Variants in TMEM65 observed in about 807,000 individuals in gnomAD.
The protein encoded by TMEM65 is transmembrane protein 65.
TMEM65 carries 22 observed loss-of-function variants against 25.4 expected under a neutral mutation model. The observed-to-expected ratio is 0.86, with a 90% CI of 0.62 to 1.23. The LOEUF is 1.23. Ranked by LOEUF, TMEM65 falls within the 50% of genes most tolerant of loss-of-function variation. The probability of loss-of-function intolerance (pLI) is 0.00; values close to 1 mark genes in which losing one functional copy is unlikely to be tolerated. For missense variants in TMEM65, 262 were observed against 308.2 expected, an observed-to-expected ratio of 0.85 and a Z score of 1.12; for synonymous variants, 132 against 126.2, an observed-to-expected ratio of 1.05 and a Z score of -0.31.
At chr8:124,361,532 T>C (rs1165898796) in intron 1 of TMEM65, among the ~76,000 whole-genome samples, 1 of 150,268 alleles carries the variant, frequency 6.7e-6, no homozygotes, top group African/African-American at 2.5e-5. Flanking sequence ...ACAGAGTGTT[T>C]AAAAAAAAGC....
At chr8:124,340,728 T>C (rs1286242792) in intron 1 of TMEM65, among the ~76,000 whole-genome samples, 3 of 152,166 alleles carry the variant, frequency 2.0e-5, no homozygotes, top group Non-Finnish European at 2.9e-5. Flanking sequence ...AAAAGTCCCA[T>C]GTGAACGATG....
intron 1 of TMEM65, among the ~76,000 whole-genome samples, chr8:124,342,569 T>TCA (rs763001980): frequency 5.3e-5 from 8 of 152,132 alleles, no homozygotes; most frequent in Non-Finnish European, 1.2e-4. Flanking sequence ...GCACCTGAAT[T>TCA]AGATAAATAA....
chr8:124,370,961 A>G (rs1015234848), intron 1 of TMEM65, among the ~76,000 whole-genome samples: 5 of 152,244 alleles, frequency 3.3e-5, no homozygotes, highest in Admixed American at 2.6e-4. Flanking sequence ...ATTTTAAGAC[A>G]TCCATTTTAG....
In TMEM65 at chr8:124,372,444, C is replaced by A; in HGVS notation, c.-287G>T. On this transcript the variant is annotated 5_prime_UTR_variant, in exon 1 of 7. Coordinates refer to ENST00000297632, the MANE Select transcript of TMEM65 (RefSeq NM_194291.3). ...GCCCGGAGAGGGCGGGCGGTCGGTG[C>A]GGGCGGGCGCCTCCCGGCTGAGGAG... 1 of 159,148 alleles carries A rather than the reference C, an allele frequency of 6.3e-6. No homozygotes were observed. The highest frequency in any genetic ancestry group is 1.6e-4 in the South Asian group (1 of 6,072). The allele number at this position is 159,148 out of a possible 1,614,324, so 9.9% of individuals were successfully genotyped here.
At chr8:124,320,764 T>C (rs553476669) in intron 5 of TMEM65, among the ~76,000 whole-genome samples, 5 of 152,192 alleles carry the variant, frequency 3.3e-5, no homozygotes, top group Admixed American at 6.5e-5. Context: ...AAAGAAAAAA[T>C]ATTGCTAATT....
chr8:124,350,882 A>T, intron 1 of TMEM65: 1 of 467,082 alleles, frequency 2.1e-6, no homozygotes, highest in African/African-American at 2.1e-5. Context: ...TTAATCCTTC[A>T]GTTAGTTGAG....
At chr8:124,350,475 TCTCACACA>T (rs1203740567) in intron 1 of TMEM65, among the ~76,000 whole-genome samples, 10 of 82,264 alleles carry the variant, frequency 1.2e-4, no homozygotes, top group Middle Eastern at 6.8e-3. Context: ...TCTCTCTCTC[TCTCACACA>T]CACACACACA....
intron 1 of TMEM65, among the ~76,000 whole-genome samples, chr8:124,338,280 T>C (rs1170823281): frequency 1.3e-5 from 2 of 152,118 alleles, no homozygotes; most frequent in Non-Finnish European, 2.9e-5. Context: ...TTGTTACTTT[T>C]CATACTTTCA....
At chr8:124,342,969 G>A (rs1814598966) in intron 1 of TMEM65, among the ~76,000 whole-genome samples, 1 of 152,120 alleles carries the variant, frequency 6.6e-6, no homozygotes, top group African/African-American at 2.4e-5. Flanking sequence ...GATGCTGTAA[G>A]AGCAATTAAA....
At chr8:124,355,751 A>T (rs1425475552) in intron 1 of TMEM65, among the ~76,000 whole-genome samples, 1 of 152,214 alleles carries the variant, frequency 6.6e-6, no homozygotes, top group Non-Finnish European at 1.5e-5. Context: ...ACTGGCCCTA[A>T]ATCAAAAGAG....
At chr8:124,344,487 T>G (rs1349468557) in intron 1 of TMEM65, among the ~76,000 whole-genome samples, 1 of 152,198 alleles carries the variant, frequency 6.6e-6, no homozygotes, top group African/African-American at 2.4e-5. Context: ...CAAATTCTCT[T>G]GCTAAAACTG....
chr8:124,367,973 CATATT>C (rs1345190175), intron 1 of TMEM65, among the ~76,000 whole-genome samples: 5 of 152,200 alleles, frequency 3.3e-5, no homozygotes, highest in Non-Finnish European at 7.3e-5. Context: ...CTTAAGTATA[CATATT>C]ATAACAAAAA....
intron 1 of TMEM65, among the ~76,000 whole-genome samples, chr8:124,348,044 G>A (rs1311071002): frequency 7.8e-6 from 1 of 129,018 alleles, no homozygotes; most frequent in African/African-American, 3.1e-5. Flanking sequence ...GCAGTAGCCA[G>A]GGTTACAGGC....
intron 1 of TMEM65, among the ~76,000 whole-genome samples, chr8:124,351,849 A>T (rs1814712808): frequency 6.6e-6 from 1 of 152,176 alleles, no homozygotes; most frequent in African/African-American, 2.4e-5. Flanking sequence ...TCCCACAGTC[A>T]GCTATTTCTT....
intron 1 of TMEM65, among the ~76,000 whole-genome samples, chr8:124,358,260 A>C (rs1002457660): frequency 6.6e-6 from 1 of 152,222 alleles, no homozygotes; most frequent in Non-Finnish European, 1.5e-5. Context: ...CAAAATAATC[A>C]CATAAAAACT....
chr8:124,313,830 T>G lies in TMEM65; in HGVS notation c.*130A>C, dbSNP rs925592670. On this transcript the variant is annotated 3_prime_UTR_variant, in exon 7 of 7. Coordinates refer to ENST00000297632, the MANE Select transcript of TMEM65 (RefSeq NM_194291.3). ...ATCAAGCCACAATAAGTTAGTGTTT[T>G]CCATAATACATGCTAAATTATTTGA... 4.6e-6 allele frequency: 3 copies of G among 649,088 alleles called. No individual in the cohort carries two copies. In the African/African-American group the frequency reaches 5.5e-5, roughly 12 times the overall value. The allele number at this position is 649,088 out of a possible 1,614,324, so 40.2% of individuals were successfully genotyped here.
intron 1 of TMEM65, among the ~76,000 whole-genome samples, chr8:124,365,707 T>C (rs1814929324): frequency 6.6e-6 from 1 of 152,102 alleles, no homozygotes; most frequent in Non-Finnish European, 1.5e-5. Context: ...AAAAGGTCAA[T>C]GAGGGAGCAG....
intron 1 of TMEM65, among the ~76,000 whole-genome samples, chr8:124,368,659 G>A (rs1814972814): frequency 1.3e-5 from 2 of 152,200 alleles, no homozygotes; most frequent in Admixed American, 6.5e-5. Context: ...GCCCTGTGGA[G>A]GACCACATGG....
intron 1 of TMEM65, among the ~76,000 whole-genome samples, chr8:124,368,539 G>A (rs1252441046): frequency 6.6e-6 from 1 of 152,204 alleles, no homozygotes; most frequent in African/African-American, 2.4e-5. Flanking sequence ...TTCCAGCTTA[G>A]GTGCCCACAG....
Sources: allele counts gnomAD v4.1 joint callset (sites outside exome capture counted in the v4.1 genomes callset), GRCh38; gene constraint gnomAD v4.1.1; transcripts MANE v1.5; gene names NCBI Gene and HGNC (gene_info 2026-07-23, HGNC 2026-07-21).